The following ETV6 variants were observed in gnomAD, a reference collection of about 807,000 sequenced individuals.
ETV6 encodes transcription factor ETV6.
ETV6 carries 16 observed loss-of-function variants against 51.1 expected under a neutral mutation model. That is an observed-to-expected ratio of 0.31 (90% confidence interval 0.21 to 0.48). The LOEUF is 0.48. Among genes scored for constraint, ETV6 ranks in the 20% least tolerant of loss-of-function variants. The probability of loss-of-function intolerance (pLI) is 0.99; values close to 1 mark genes in which losing one functional copy is unlikely to be tolerated. For synonymous variants in ETV6, 240 were observed against 224.1 expected (o/e 1.07, Z -0.64); for missense variants, 458 against 594.8 (o/e 0.77, Z 2.39).
rs1300012416 is a variant in ETV6, at chr12:11,752,481, G to T, written c.65G>T (p.Ser22Ile). The part of the protein sequence containing the change: ...QERISYTPPE[S>I]PVPSYASSTP... ...CGAATTTCATATACACCTCCAGAGA[G>T]CCCAGTGCCGAGTTACGCTTCCTCG... The change falls in exon 2 of 8, where the codon AGC becomes ATC. Residue 22 changes from serine to isoleucine, a missense_variant. Physicochemically the swap from Ser to Ile is moderately radical, Grantham distance 142. Around this residue, in one of 4 missense-constraint regions of ETV6, gnomAD observed 84 missense variants for 75.9 expected, o/e 1.11. Transcript: ENST00000396373. 2.5e-6 allele frequency: 4 copies of T among 1,613,728 alleles called. No homozygotes were observed. Among genetic ancestry groups the T allele is most frequent in the Non-Finnish European group, 3.4e-6 (4 of 1,179,912 alleles).
In ETV6 at chr12:11,891,469, A is replaced by ATAT. The variant is rs148938293; in HGVS notation, c.*424_*425insATT. On this transcript the variant is annotated 3_prime_UTR_variant, in exon 8 of 8. Transcript: ENST00000396373. ...GGAAATATATATCTATTATATATAT[A>ATAT]TTTTTTGCAAATCTCACAAAGTGCG... 2.9e-5 allele frequency: 14 copies of ATAT among 488,416 alleles called. No homozygotes were observed. The highest frequency in any genetic ancestry group is 9.1e-5 in the Admixed American group (3 of 33,006). 30.3% of individuals were successfully genotyped at this position (488,416 alleles called of 1,614,324 possible).
chr12:11,815,830 A>G (rs1346399173), intron 2 of ETV6, among the ~76,000 whole-genome samples: 1 of 152,160 alleles, frequency 6.6e-6, no homozygotes, highest in Non-Finnish European at 1.5e-5. Context: ...GGTATAGTAG[A>G]AACTCTTGGA....
chr12:11,776,570 A>G (rs1328900253), intron 2 of ETV6, among the ~76,000 whole-genome samples: 2 of 152,168 alleles, frequency 1.3e-5, no homozygotes, highest in African/African-American at 4.8e-5. Context: ...TTAATTTTCA[A>G]TACACATGTA....
chr12:11,664,834 C>T (rs1312201127), intron 1 of ETV6, among the ~76,000 whole-genome samples: 1 of 152,162 alleles, frequency 6.6e-6, no homozygotes, highest in East Asian at 1.9e-4. Flanking sequence ...CTTCCTTCCT[C>T]CATTTTGTCC....
intron 1 of ETV6, among the ~76,000 whole-genome samples, chr12:11,710,547 C>T (rs375238267): frequency 6.6e-6 from 1 of 152,058 alleles, no homozygotes; most frequent in East Asian, 1.9e-4. Context: ...CCTGGTAGTC[C>T]GACTTTAGAG....
At chr12:11,725,623 T>C (rs1260165618) in intron 1 of ETV6, among the ~76,000 whole-genome samples, 1 of 152,202 alleles carries the variant, frequency 6.6e-6, no homozygotes, top group Admixed American at 6.5e-5. Flanking sequence ...TGAGACCTGA[T>C]CTCCAGTGTT....
Position 11,814,350 on chromosome 12 carries a change from TA to T in ETV6, c.164-24781del, listed in dbSNP as rs879490394. ...TCTTGGCTTTGTAAACAAAACCTTGTAAAAAAAAATTTTTTTTTTCAATACT... is the reference window on the plus strand; with the variant it reads ...TCTTGGCTTTGTAAACAAAACCTTGTAAAAAAAATTTTTTTTTTCAATACT... On this transcript the variant is annotated intron_variant, in intron 2 of 7. Transcript: ENST00000396373. Among the ~76,000 whole-genome samples, 1,290 of 151,938 alleles carry T rather than the reference TA, an allele frequency of 8.5e-3. 17 individuals carry two copies. The highest frequency in any genetic ancestry group is 8.3e-3 in the Non-Finnish European group (565 of 67,940).
intron 2 of ETV6, among the ~76,000 whole-genome samples, chr12:11,779,766 A>G (rs1420499022): frequency 1.3e-5 from 2 of 152,222 alleles, no homozygotes; most frequent in African/African-American, 4.8e-5. Context: ...CCAAGTTTTT[A>G]TTAGAAAATT....
At chr12:11,794,575 C>T (rs562818869) in intron 2 of ETV6, among the ~76,000 whole-genome samples, 5 of 152,328 alleles carry the variant, frequency 3.3e-5, no homozygotes, top group Admixed American at 2.6e-4. Flanking sequence ...GTCAGCTTGA[C>T]GCAAGACACC....
chr12:11,719,165 C>T (rs1237727366), intron 1 of ETV6, among the ~76,000 whole-genome samples: 2 of 152,228 alleles, frequency 1.3e-5, no homozygotes, highest in African/African-American at 4.8e-5. Flanking sequence ...CTGAAGCCTG[C>T]ACCACGGGGA....
chr12:11,762,004 T>C (rs1945093034), intron 2 of ETV6, among the ~76,000 whole-genome samples: 2 of 152,234 alleles, frequency 1.3e-5, no homozygotes, highest in South Asian at 4.1e-4. Flanking sequence ...TCCTTCGTTT[T>C]ACCTGTGATT....
At chr12:11,801,703 GGAATCAAACTCAGATATGAC>G (rs879583413) in intron 2 of ETV6, among the ~76,000 whole-genome samples, 2 of 152,150 alleles carry the variant, frequency 1.3e-5, no homozygotes, top group Non-Finnish European at 2.9e-5. Context: ...GTACAGATGA[GGAATCAAACTCAGATATGAC>G]GAATCAAACT....
chr12:11,717,824 C>T (rs543692521), intron 1 of ETV6, among the ~76,000 whole-genome samples: 2 of 152,210 alleles, frequency 1.3e-5, no homozygotes, highest in African/African-American at 4.8e-5. Context: ...CCTGATATTC[C>T]CTCCCACTCA....
At chr12:11,827,070 TCACACACACACACACACACACACA>T (rs55959869) in intron 2 of ETV6, among the ~76,000 whole-genome samples, 543 of 145,168 alleles carry the variant, frequency 3.7e-3, no homozygotes, top group African/African-American at 0.013. Flanking sequence ...GAAGTCTGTC[TCACACACACACACACACACACACA>T]CACACACACA....
At position 11,654,785 on chromosome 12, in the gene ETV6, A is replaced by G. The variant is rs546069032; in HGVS notation, c.33+4625A>G. On this transcript the variant is annotated intron_variant, in intron 1 of 7. Coordinates refer to ENST00000396373, the MANE Select transcript of ETV6 (RefSeq NM_001987.5). ...TTCTGTTTTGGGCTGAAGGCCCCCT[A>G]TCTGCTGTTAGGACTCCTTTGAGGA... Among the ~76,000 whole-genome samples the G allele has an allele frequency of 3.9e-5, 6 of 152,234 alleles. 1 individual carries two copies. In the South Asian group the frequency reaches 1.2e-3, roughly 32 times the overall value.
chr12:11,672,718 G>T (rs1014771221), intron 1 of ETV6, among the ~76,000 whole-genome samples: 2 of 152,190 alleles, frequency 1.3e-5, no homozygotes, highest in Non-Finnish European at 2.9e-5. Flanking sequence ...CCCACCACAC[G>T]TGTTAACAGC....
intron 2 of ETV6, among the ~76,000 whole-genome samples, chr12:11,761,846 G>T (rs1202575091): frequency 1.3e-5 from 2 of 152,234 alleles, no homozygotes; most frequent in African/African-American, 4.8e-5. Flanking sequence ...TCGTCGCATT[G>T]TTCTCTTATT....
chr12:11,727,842 C>T (rs745387267), intron 1 of ETV6, among the ~76,000 whole-genome samples: 4 of 151,972 alleles, frequency 2.6e-5, no homozygotes, highest in East Asian at 1.9e-4. Flanking sequence ...TACTTTGAGA[C>T]GGAGTCTCTC....
At chr12:11,889,930 G>A (rs1166650493) in intron 7 of ETV6, among the ~76,000 whole-genome samples, 6 of 152,112 alleles carry the variant, frequency 3.9e-5, no homozygotes, top group African/African-American at 1.4e-4. Context: ...CTACAGTGTA[G>A]GTGGAACATC....
Sources: allele counts gnomAD v4.1 joint callset (sites outside exome capture counted in the v4.1 genomes callset), GRCh38; gene constraint gnomAD v4.1.1; regional missense constraint gnomAD v4.1.1; transcripts MANE v1.5; gene names NCBI Gene and HGNC (gene_info 2026-07-23, HGNC 2026-07-21).